NBN: variants seen among roughly 807,000 people sequenced by gnomAD.
The protein encoded by NBN is nibrin.
A neutral mutation model predicts 90.8 loss-of-function variants in NBN; 88 were observed. That is an observed-to-expected ratio of 0.97 (90% CI 0.82 to 1.16). NBN has a LOEUF of 1.16. Among genes scored for constraint, NBN ranks in the 50% most tolerant of loss-of-function variants. The pLI, the probability that NBN is intolerant of heterozygous loss-of-function variation, is 0.00. For missense variants in NBN, 894 were observed against 869.6 expected (o/e 1.03, Z -0.35); for synonymous variants, 328 against 295.1 (o/e 1.11, Z -1.14).
intron 14 of NBN, among the ~76,000 whole-genome samples, chr8:89,941,910 T>A (rs1046268889): frequency 6.6e-6 from 1 of 152,130 alleles, no homozygotes; most frequent in Non-Finnish European, 1.5e-5. Flanking sequence ...TTAAAATAAC[T>A]GAGAAAAAAG....
intron 8 of NBN, 127 bp downstream of exon 8, chr8:89,964,283 T>C: frequency 1.9e-6 from 2 of 1,068,038 alleles, no homozygotes; most frequent in Middle Eastern, 2.1e-4. Flanking sequence ...AATGAAAGTA[T>C]AAATGGATGA....
chr8:89,958,214 T>C lies in NBN; in HGVS notation c.1124+511A>G, dbSNP rs13312906. Among the ~76,000 whole-genome samples, 360 of 152,300 alleles carry C rather than the reference T, an allele frequency of 2.4e-3. 1 individual carries two copies. Among genetic ancestry groups the C allele is most frequent in the African/African-American group, 8.2e-3 (341 of 41,560 alleles). On this transcript the variant is annotated intron_variant, in intron 9 of 15. Coordinates refer to ENST00000265433, the MANE Select transcript of NBN (RefSeq NM_002485.5). ...GCAGCTGCAAATAAAGATGAAGCTT[T>C]GCTAGCTTGCCCGCTGATCACCTAC...
At chr8:89,970,335 T>G (rs765013516) in intron 7 of NBN, 29 bp downstream of exon 7, 2 of 1,552,464 alleles carry the variant, frequency 1.3e-6, no homozygotes, top group South Asian at 2.2e-5. Context: ...CTACTTGCAG[T>G]TTTTTACTAA....
At position 89,984,566 on chromosome 8, in the gene NBN, C is replaced by G; in HGVS notation, c.-5G>C. The G allele has an allele frequency of 6.2e-7, 1 of 1,613,048 alleles. No homozygotes were observed. Among genetic ancestry groups the G allele is most frequent in the Non-Finnish European group, 8.5e-7 (1 of 1,179,784 alleles). ...GGCGGGCAGCAGTTTCCACATCGGT[C>G]CGGCTCCTCAGGGCTGGGGCCGACG... On this transcript the variant is annotated 5_prime_UTR_variant, in exon 1 of 16. Coordinates refer to ENST00000265433, the MANE Select transcript of NBN (RefSeq NM_002485.5).
rs145750430 is a variant in NBN at position 89,964,465 on chromosome 8, C to T, written c.939G>A (p.Ala313=). The change falls in exon 8 of 16, where the codon GCG becomes GCA. Residue 313 remains alanine, a synonymous_variant. Transcript: ENST00000265433. ...AATTCTTTGTAGTCATGAAAATCAC[C>T]GCCAATCCAATTTCTGCTTCAGGAA... ...RPIPEAEIGL[A]VIFMTTKNYC... is the part of the protein sequence containing the mutation. 6.6e-5 allele frequency: 106 copies of T among 1,612,442 alleles called. No individual in the cohort carries two copies. In the African/African-American group the frequency reaches 8.0e-4, roughly 12 times the overall value.
intron 11 of NBN, among the ~76,000 whole-genome samples, chr8:89,950,676 A>G (rs1351948958): frequency 6.6e-6 from 1 of 152,266 alleles, no homozygotes; most frequent in Non-Finnish European, 1.5e-5. Flanking sequence ...CTATAGAATC[A>G]TAGGGCAAAA....
chr8:89,949,430 A>G (rs181569645), intron 11 of NBN, among the ~76,000 whole-genome samples: 1 of 152,324 alleles, frequency 6.6e-6, no homozygotes, highest in Admixed American at 6.5e-5. Context: ...GACTTGAGAA[A>G]GGAGAGTACA....
intron 12 of NBN, among the ~76,000 whole-genome samples, chr8:89,947,352 G>A (rs1236668355): frequency 2.0e-5 from 3 of 152,066 alleles, no homozygotes; most frequent in South Asian, 2.1e-4. Context: ...TATCCAGGCC[G>A]TGCATGGTGG....
intron 11 of NBN, among the ~76,000 whole-genome samples, chr8:89,949,020 A>G (rs893644072): frequency 6.6e-6 from 1 of 152,206 alleles, no homozygotes; most frequent in Non-Finnish European, 1.5e-5. Context: ...TATTTCCCAT[A>G]TAAGTAAACC....
At chr8:89,964,137 CAT>C (rs1491584736) in intron 8 of NBN, among the ~76,000 whole-genome samples, 14 of 151,844 alleles carry the variant, frequency 9.2e-5, no homozygotes, top group African/African-American at 2.4e-4. Flanking sequence ...CTGAACTTAC[CAT>C]GTGTGTGTGT....
chr8:89,963,755 C>T (rs751065454), intron 8 of NBN, among the ~76,000 whole-genome samples: 19 of 152,172 alleles, frequency 1.2e-4, no homozygotes, highest in Non-Finnish European at 2.4e-4. Context: ...ACTGCTCCAC[C>T]GGAAAGTCCC....
intron 7 of NBN, among the ~76,000 whole-genome samples, chr8:89,968,987 G>C (rs1437464175): frequency 6.6e-6 from 1 of 152,082 alleles, no homozygotes; most frequent in South Asian, 2.1e-4. Flanking sequence ...TAGGATAGAT[G>C]ACTAAAATTT....
intron 13 of NBN, among the ~76,000 whole-genome samples, chr8:89,945,684 G>C (rs1261763578): frequency 6.6e-6 from 1 of 152,044 alleles, no homozygotes; most frequent in Non-Finnish European, 1.5e-5. Flanking sequence ...AGAAACTCAG[G>C]TCTGATGATC....
chr8:89,966,621 A>G (rs1214849404), intron 7 of NBN, among the ~76,000 whole-genome samples: 1 of 152,200 alleles, frequency 6.6e-6, no homozygotes, highest in Non-Finnish European at 1.5e-5. Flanking sequence ...TTAATTCTCA[A>G]GTTGCCTTGT....
intron 9 of NBN, among the ~76,000 whole-genome samples, chr8:89,957,538 A>G (rs1204206339): frequency 1.3e-5 from 2 of 152,168 alleles, no homozygotes; most frequent in East Asian, 1.9e-4. Flanking sequence ...TAAGGCAACA[A>G]TCATGTACAG....
chr8:89,980,934 G>C, intron 3 of NBN, 41 bp from the exon 4 acceptor site: 1 of 1,588,530 alleles, frequency 6.3e-7, no homozygotes, highest in Admixed American at 1.7e-5. Flanking sequence ...TAGTATCAGA[G>C]TTGCAGAGAT....
chr8:89,935,432 C>A lies in NBN; in HGVS notation c.*150G>T. 2 of 867,438 alleles carry A rather than the reference C, an allele frequency of 2.3e-6. No homozygotes were observed. The highest frequency in any genetic ancestry group is 1.8e-6 in the Non-Finnish European group (1 of 557,978). The allele number at this position is 867,438 out of a possible 1,614,324, so 53.7% of individuals were successfully genotyped here. A position where few individuals can be genotyped will look rare whatever the true frequency, so the allele number is the denominator to read the frequency against. Reference sequence around the variant, plus strand: ...AAACAATTGTTACATACAAAAGAATCAAAGTTTTGTGCATTTTATTTAATA... The same window carrying A: ...AAACAATTGTTACATACAAAAGAATAAAAGTTTTGTGCATTTTATTTAATA... On this transcript the variant is annotated 3_prime_UTR_variant, in exon 16 of 16. Coordinates refer to ENST00000265433, the MANE Select transcript of NBN (RefSeq NM_002485.5).
rs1554562182 is a variant in NBN, at chr8:89,964,485, C to G, written c.919G>C (p.Glu307Gln). 2 of 1,606,236 alleles carry G rather than the reference C, an allele frequency of 1.2e-6. No individual in the cohort carries two copies. The highest frequency in any genetic ancestry group is 1.7e-6 in the Non-Finnish European group (2 of 1,173,030). ...LQRQGLRPIP[E>Q]AEIGLAVIFM... Reference sequence around the variant, plus strand: ...ATCACCGCCAATCCAATTTCTGCTTCAGGAATAGGTCTAAGACCTTGCCTA... The same window carrying G: ...ATCACCGCCAATCCAATTTCTGCTTGAGGAATAGGTCTAAGACCTTGCCTA... The change falls in exon 8 of 16, where the codon GAA becomes CAA. Residue 307 changes from glutamate (E) to glutamine (Q), a missense_variant. Transcript: ENST00000265433.
At chr8:89,948,332 G>A (rs990208506) in intron 11 of NBN, among the ~76,000 whole-genome samples, 1 of 152,128 alleles carries the variant, frequency 6.6e-6, no homozygotes, top group Admixed American at 6.5e-5. Flanking sequence ...CTACATGTCT[G>A]TACGATCGTG....
Sources: allele counts gnomAD v4.1 joint callset (sites outside exome capture counted in the v4.1 genomes callset), GRCh38; gene constraint gnomAD v4.1.1; transcripts MANE v1.5; gene names NCBI Gene and HGNC (gene_info 2026-07-23, HGNC 2026-07-21).